The following KCNH7 variants were observed in gnomAD, a reference collection of about 807,000 sequenced individuals.
The protein encoded by KCNH7 is potassium voltage-gated channel subfamily H member 7.
Under a neutral mutation model 120.8 loss-of-function variants are expected in KCNH7, and 49 were observed. The ratio of observed to expected loss-of-function variants is 0.41; its 90% CI spans 0.32 to 0.51. The LOEUF is 0.51. Ranked by LOEUF, KCNH7 falls within the 20% of genes least tolerant of loss-of-function variation. The pLI, the probability that KCNH7 is intolerant of heterozygous loss-of-function variation, is 0.38. For synonymous variants in KCNH7, 547 were observed against 516.1 expected, an observed-to-expected ratio of 1.06 and a Z score of -0.81; for missense variants, 1,097 against 1,446.6, an observed-to-expected ratio of 0.76 and a Z score of 3.92.
rs59397474 is a variant in KCNH7, at chr2:162,792,762, GGTGTGTGTGTGTGTGT to G, written c.307+43759_307+43774del. Among the ~76,000 whole-genome samples, 785 of 124,830 alleles carry G rather than the reference GGTGTGTGTGTGTGTGT, an allele frequency of 6.3e-3. 10 individuals carry two copies. Among genetic ancestry groups the G allele is most frequent in the African/African-American group, 0.016 (504 of 32,252 alleles). The allele number at this position is 124,830 out of a possible 152,430, so 81.9% of individuals were successfully genotyped here. Reference sequence around the variant, plus strand: ...TCCTGGATTTGTTGATCTTTTGAATGGTGTGTGTGTGTGTGTGTGTGTGTGTGTGTGTGTGTGTGTG... The same window carrying G: ...TCCTGGATTTGTTGATCTTTTGAATGGTGTGTGTGTGTGTGTGTGTGTGTG... On this transcript the variant is annotated intron_variant, in intron 2 of 15. Transcript: ENST00000332142.
intron 2 of KCNH7, among the ~76,000 whole-genome samples, chr2:162,718,352 T>C (rs71424748): frequency 0.023 from 3,433 of 152,128 alleles, 74 homozygotes; most frequent in East Asian, 0.12. Context: ...TGTCTAAACA[T>C]GTTTCTTGCA....
chr2:162,718,899 T>A (rs1489984485), intron 2 of KCNH7, among the ~76,000 whole-genome samples: 1 of 152,000 alleles, frequency 6.6e-6, no homozygotes, highest in Non-Finnish European at 1.5e-5. Context: ...GGTGGATATG[T>A]TTCTGACATG....
At chr2:162,692,429 T>C (rs115899533) in intron 2 of KCNH7, among the ~76,000 whole-genome samples, 1 of 152,238 alleles carries the variant, frequency 6.6e-6, no homozygotes, top group African/African-American at 2.4e-5. Context: ...TATACACACA[T>C]GCACACTCAT....
At chr2:162,753,959 T>G (rs528089121) in intron 2 of KCNH7, among the ~76,000 whole-genome samples, 2 of 151,872 alleles carry the variant, frequency 1.3e-5, no homozygotes, top group African/African-American at 4.8e-5. Flanking sequence ...AATATTATAA[T>G]AAATAACAAT....
intron 2 of KCNH7, among the ~76,000 whole-genome samples, chr2:162,826,226 A>G (rs1395742999): frequency 6.6e-6 from 1 of 152,156 alleles, no homozygotes; most frequent in African/African-American, 2.4e-5. Context: ...ATACATCAGC[A>G]TAATTGCAAG....
chr2:162,554,917 A>T (rs949158190), intron 2 of KCNH7, among the ~76,000 whole-genome samples: 2 of 152,220 alleles, frequency 1.3e-5, no homozygotes, highest in Non-Finnish European at 2.9e-5. Context: ...CACATGGAAT[A>T]GCTTTCATTT....
At chr2:162,615,051 G>A (rs988097997) in intron 2 of KCNH7, among the ~76,000 whole-genome samples, 1 of 152,140 alleles carries the variant, frequency 6.6e-6, no homozygotes, top group African/African-American at 2.4e-5. Flanking sequence ...TAACATACTT[G>A]AAGAATTTGG....
intron 2 of KCNH7, among the ~76,000 whole-genome samples, chr2:162,644,596 G>A (rs552631683): frequency 3.9e-5 from 6 of 152,208 alleles, no homozygotes; most frequent in Middle Eastern, 3.4e-3. Flanking sequence ...TCAATACTTC[G>A]CTAGTAAGAG....
chr2:162,499,915 A>G (rs1306368614), intron 6 of KCNH7, among the ~76,000 whole-genome samples: 2 of 152,042 alleles, frequency 1.3e-5, no homozygotes, highest in Non-Finnish European at 2.9e-5. Context: ...CCCAAACACT[A>G]TCCCAAACTC....
chr2:162,604,265 T>C (rs1431341318), intron 2 of KCNH7, among the ~76,000 whole-genome samples: 1 of 152,152 alleles, frequency 6.6e-6, no homozygotes, highest in South Asian at 2.1e-4. Flanking sequence ...GAAGTAGATA[T>C]GAATATTCTA....
At position 162,838,622 on chromosome 2, in the gene KCNH7, C is replaced by T; in HGVS notation, c.-104G>A. On this transcript the variant is annotated 5_prime_UTR_variant, in exon 1 of 16. Transcript: ENST00000332142. The stretch of plus-strand genomic sequence containing the variant: ...CCAGCGCGCGAGCCGCTCTTTGTGG[C>T]AGAGCATCCTCTTTTGAAACCAGAA... 1.2e-6 allele frequency: 1 copy of T among 830,424 alleles called. No individual in the cohort carries two copies. The highest frequency in any genetic ancestry group is 1.5e-5 in the South Asian group (1 of 65,226). 51.4% of individuals were successfully genotyped at this position (830,424 alleles called of 1,614,324 possible).
intron 2 of KCNH7, among the ~76,000 whole-genome samples, chr2:162,738,067 C>CA (rs58433565): frequency 0.015 from 838 of 55,376 alleles, 3 homozygotes; most frequent in East Asian, 0.031. Context: ...GACTTCATAT[C>CA]AAAAAAAAAA....
chr2:162,708,756 A>G (rs983614653), intron 2 of KCNH7, among the ~76,000 whole-genome samples: 3 of 152,084 alleles, frequency 2.0e-5, no homozygotes, highest in Non-Finnish European at 4.4e-5. Flanking sequence ...AGGAATCAAC[A>G]TTACATACAC....
chr2:162,768,535 A>G (rs1048867918), intron 2 of KCNH7, among the ~76,000 whole-genome samples: 1 of 152,188 alleles, frequency 6.6e-6, no homozygotes, highest in Admixed American at 6.5e-5. Context: ...ACATGGATAT[A>G]GGATAGAGAA....
At chr2:162,634,256 G>T (rs894634263) in intron 2 of KCNH7, among the ~76,000 whole-genome samples, 1 of 151,872 alleles carries the variant, frequency 6.6e-6, no homozygotes, top group Non-Finnish European at 1.5e-5. Context: ...CAGTCTCTGT[G>T]CTAGGATTAT....
intron 2 of KCNH7, among the ~76,000 whole-genome samples, chr2:162,827,774 G>T (rs1170679760): frequency 6.6e-6 from 1 of 152,134 alleles, no homozygotes; most frequent in African/African-American, 2.4e-5. Context: ...TTTCCACATT[G>T]CTCTGTGATC....
At chr2:162,567,974 G>A (rs1030850696) in intron 2 of KCNH7, among the ~76,000 whole-genome samples, 17 of 151,884 alleles carry the variant, frequency 1.1e-4, no homozygotes, top group African/African-American at 3.4e-4. Flanking sequence ...CCATTCTCAC[G>A]TTGCTAATAA....
rs13392276 is a variant in KCNH7, at chr2:162,481,497, T to G, written c.1128+22946A>C. Among the ~76,000 whole-genome samples the G allele has an allele frequency of 7.2e-3, 1,103 of 152,274 alleles. 16 individuals are homozygous for G. The highest frequency in any genetic ancestry group is 0.025 in the African/African-American group (1,059 of 41,560). On this transcript the variant is annotated intron_variant, in intron 6 of 15. Transcript: ENST00000332142. ...CTAATGGAATAAGAGAGTCTCAACC[T>G]TTTACAATTCAGTTCAGGATGGTCT...
intron 2 of KCNH7, among the ~76,000 whole-genome samples, chr2:162,618,491 A>C (rs1304857547): frequency 6.6e-6 from 1 of 152,150 alleles, no homozygotes; most frequent in Admixed American, 6.5e-5. Context: ...AATACACAGA[A>C]ATCACTAGTT....
Sources: gnomAD v4.1 joint callset for allele counts (sites outside exome capture counted in the v4.1 genomes callset) on GRCh38, gnomAD v4.1.1 for gene constraint, MANE v1.5 for transcripts, NCBI Gene and HGNC (gene_info 2026-07-23, HGNC 2026-07-21) for gene names.